SIPA1L3: variants seen among roughly 807,000 people sequenced by gnomAD.
SIPA1L3 encodes signal induced proliferation associated 1 like 3, also known as signal-induced proliferation-associated 1-like protein 3.
In SIPA1L3, 59 loss-of-function variants were observed where a neutral mutation model predicts 150.1. The ratio of observed to expected loss-of-function variants is 0.39; its 90% CI spans 0.32 to 0.49. SIPA1L3 has a LOEUF of 0.49. Among genes scored for constraint, SIPA1L3 ranks in the 20% least tolerant of loss-of-function variants. SIPA1L3 has a pLI of 0.86. For synonymous variants in SIPA1L3, 1,070 were observed against 1,077.6 expected (o/e 0.99, Z 0.14); for missense variants, 2,211 against 2,489.5 (o/e 0.89, Z 2.38).
chr19:38,093,105 C>A (rs1013984956), intron 4 of SIPA1L3, among the ~76,000 whole-genome samples: 1 of 152,044 alleles, frequency 6.6e-6, no homozygotes, highest in African/African-American at 2.4e-5. Context: ...GTGATCTACC[C>A]GCCTCAGCCT....
chr19:38,141,725 G>A (rs923082542), intron 11 of SIPA1L3, among the ~76,000 whole-genome samples: 1 of 152,236 alleles, frequency 6.6e-6, no homozygotes, highest in Non-Finnish European at 1.5e-5. Context: ...GCTCACGCCT[G>A]TAATCCCAAC....
chr19:38,084,766 A>G (rs190818131), intron 3 of SIPA1L3, among the ~76,000 whole-genome samples: 25 of 150,620 alleles, frequency 1.7e-4, no homozygotes, highest in Admixed American at 1.4e-3. Context: ...CAGCCTCCTG[A>G]GTAGCTGGGA....
intron 1 of SIPA1L3, among the ~76,000 whole-genome samples, chr19:37,995,079 A>G (rs912061016): frequency 6.6e-6 from 1 of 152,156 alleles, no homozygotes; most frequent in Admixed American, 6.6e-5. Context: ...AGTAGGGGAA[A>G]GGTTTCCTCT....
intron 2 of SIPA1L3, among the ~76,000 whole-genome samples, chr19:38,038,139 A>G (rs572060788): frequency 6.6e-6 from 1 of 152,198 alleles, no homozygotes; most frequent in East Asian, 1.9e-4. Context: ...ATGCCAGAGG[A>G]TGGGGCCAGG....
At chr19:38,112,943 C>G (rs1479929702) in intron 8 of SIPA1L3, among the ~76,000 whole-genome samples, 2 of 152,200 alleles carry the variant, frequency 1.3e-5, no homozygotes, top group African/African-American at 4.8e-5. Context: ...TGCAGTGGCT[C>G]ACGCTTGTAA....
In SIPA1L3 at chr19:38,192,133, C is replaced by T; in HGVS notation, c.4431-12C>T. 1 of 1,592,766 alleles carries T rather than the reference C, an allele frequency of 6.3e-7. No individual in the cohort carries two copies. The highest frequency in any genetic ancestry group is 8.5e-7 in the Non-Finnish European group (1 of 1,170,508). On this transcript the variant is annotated splice_polypyrimidine_tract_variant and intron_variant, in intron 16 of 21. Coordinates refer to ENST00000222345, the MANE Select transcript of SIPA1L3 (RefSeq NM_015073.3). The stretch of plus-strand genomic sequence containing the variant: ...CCCTGACACCCCTCTGACCCTGACG[C>T]TGTCATTCCAGGCAGGTGGACACGA...
chr19:38,123,261 T>TG (rs1190341677), intron 9 of SIPA1L3, among the ~76,000 whole-genome samples: 6 of 149,818 alleles, frequency 4.0e-5, no homozygotes, highest in South Asian at 2.1e-4. Flanking sequence ...GAGTTTTTTT[T>TG]TTGTTTTTTT....
intron 9 of SIPA1L3, among the ~76,000 whole-genome samples, chr19:38,120,268 A>G (rs1307768079): frequency 1.3e-5 from 2 of 151,274 alleles, no homozygotes; most frequent in Non-Finnish European, 2.9e-5. Flanking sequence ...TTCCAGACCA[A>G]CCTGGGTAAC....
At chr19:38,104,516 C>A (rs2145866003) in intron 6 of SIPA1L3, among the ~76,000 whole-genome samples, 1 of 152,246 alleles carries the variant, frequency 6.6e-6, no homozygotes, top group East Asian at 1.9e-4. Context: ...CAGCAGGCCT[C>A]CCTGGGCTCA....
chr19:37,975,875 C>T (rs1004120724), intron 1 of SIPA1L3, among the ~76,000 whole-genome samples: 2 of 151,976 alleles, frequency 1.3e-5, no homozygotes, highest in Non-Finnish European at 2.9e-5. Flanking sequence ...GTGGCCGAGG[C>T]GGGTAGATCA....
chr19:38,065,834 C>CTATTTATT (rs74176412), intron 2 of SIPA1L3, among the ~76,000 whole-genome samples: 1,660 of 141,084 alleles, frequency 0.012, 43 homozygotes, highest in South Asian at 0.04. Flanking sequence ...CTCTACCTTG[C>CTATTTATT]TATTTATTTA....
At chr19:37,954,119 C>T (rs1349113354) in intron 1 of SIPA1L3, among the ~76,000 whole-genome samples, 1 of 151,820 alleles carries the variant, frequency 6.6e-6, no homozygotes, top group Non-Finnish European at 1.5e-5. Context: ...GAGTAAAGTA[C>T]ACAGAAGCTG....
At chr19:38,099,876 C>G (rs1463571764) in intron 4 of SIPA1L3, 86 bp from the exon 5 acceptor site, 2 of 1,165,550 alleles carry the variant, frequency 1.7e-6, no homozygotes, top group Non-Finnish European at 2.4e-6. Flanking sequence ...ACACATGTCT[C>G]TTTCAAAACA....
intron 1 of SIPA1L3, among the ~76,000 whole-genome samples, chr19:37,988,256 C>T (rs549636357): frequency 1.2e-4 from 18 of 152,224 alleles, no homozygotes; most frequent in East Asian, 3.9e-4. Context: ...CAGTGGCTCA[C>T]GCCTGTAATC....
At chr19:38,139,742 G>A (rs1458749996) in intron 10 of SIPA1L3, among the ~76,000 whole-genome samples, 1 of 152,200 alleles carries the variant, frequency 6.6e-6, no homozygotes, top group African/African-American at 2.4e-5. Context: ...ATAAAGAACA[G>A]ACATACATTT....
At chr19:38,021,919 C>G (rs369599253) in intron 1 of SIPA1L3, among the ~76,000 whole-genome samples, 1 of 152,330 alleles carries the variant, frequency 6.6e-6, no homozygotes, top group South Asian at 2.1e-4. Context: ...CCTTTGCCCT[C>G]CCCAAGGTTC....
intron 2 of SIPA1L3, among the ~76,000 whole-genome samples, chr19:38,057,323 T>TAC (rs764029498): frequency 4.4e-4 from 66 of 149,720 alleles, no homozygotes; most frequent in Middle Eastern, 3.5e-3. Context: ...TATACATATA[T>TAC]ACACACACAC....
chr19:38,112,131 G>C (rs1423874982), intron 8 of SIPA1L3, among the ~76,000 whole-genome samples: 1 of 145,764 alleles, frequency 6.9e-6, no homozygotes, highest in African/African-American at 2.6e-5. Flanking sequence ...ACACATACAG[G>C]TACACACCTG....
intron 14 of SIPA1L3, among the ~76,000 whole-genome samples, chr19:38,163,465 G>C (rs1221909708): frequency 7.0e-6 from 1 of 142,272 alleles, no homozygotes; most frequent in East Asian, 2.0e-4. Context: ...ACTCCAGCCT[G>C]AGCGACAGAG....
Sources: allele counts gnomAD v4.1 joint callset (sites outside exome capture counted in the v4.1 genomes callset), GRCh38; gene constraint gnomAD v4.1.1; transcripts MANE v1.5; gene names NCBI Gene and HGNC (gene_info 2026-07-23, HGNC 2026-07-21).